Variants in PAXIP1 observed in about 807,000 individuals in gnomAD.
PAXIP1 encodes PAX interacting protein 1, also known as PAX-interacting protein 1.
A neutral mutation model predicts 140.6 loss-of-function variants in PAXIP1; 19 were observed. The observed-to-expected ratio is 0.14, with a 90% CI of 0.09 to 0.20. The LOEUF (loss-of-function observed/expected upper bound fraction) is 0.20, where lower values mean the gene tolerates loss of function less well. Ranked by LOEUF, PAXIP1 falls within the 10% of genes least tolerant of loss-of-function variation. The pLI, the probability that PAXIP1 is intolerant of heterozygous loss-of-function variation, is 1.00. For synonymous variants in PAXIP1, 442 were observed against 444.6 expected, an observed-to-expected ratio of 0.99 and a Z score of 0.07; for missense variants, 920 against 1,208.6, an observed-to-expected ratio of 0.76 and a Z score of 3.54.
intron 3 of PAXIP1, among the ~76,000 whole-genome samples, chr7:154,992,798 G>T (rs1297929628): frequency 6.6e-6 from 1 of 152,098 alleles, no homozygotes; most frequent in Admixed American, 6.5e-5. Context: ...TTCTGAGTTG[G>T]AGTTGCTAAA....
At chr7:154,966,799 T>C (rs902140508) in intron 8 of PAXIP1, among the ~76,000 whole-genome samples, 4 of 152,098 alleles carry the variant, frequency 2.6e-5, no homozygotes, top group African/African-American at 7.2e-5. Context: ...TTCACCTGCA[T>C]CTAAACTTCA....
intron 4 of PAXIP1, among the ~76,000 whole-genome samples, chr7:154,987,764 C>G (rs546500541): frequency 1.7e-4 from 26 of 152,310 alleles, no homozygotes; most frequent in African/African-American, 6.0e-4. Context: ...GGGAGGTATA[C>G]AGTGAGTGCT....
At chr7:154,992,256 A>C (rs1810366938) in intron 3 of PAXIP1, among the ~76,000 whole-genome samples, 2 of 152,138 alleles carry the variant, frequency 1.3e-5, no homozygotes, top group Admixed American at 1.3e-4. Flanking sequence ...GAGCTCAAAG[A>C]AGATCCCAGT....
intron 10 of PAXIP1, among the ~76,000 whole-genome samples, chr7:154,961,938 G>A (rs1210444367): frequency 2.6e-5 from 4 of 152,302 alleles, no homozygotes; most frequent in South Asian, 2.1e-4. Context: ...TATAAAGCAC[G>A]TAACCACGAG....
At chr7:154,955,084 A>G (rs150908788) in intron 15 of PAXIP1, among the ~76,000 whole-genome samples, 2 of 152,342 alleles carry the variant, frequency 1.3e-5, no homozygotes, top group East Asian at 3.9e-4. Flanking sequence ...TTCAAAAAGT[A>G]TATTTAAAAC....
At chr7:154,974,496 T>C (rs1312811868) in intron 6 of PAXIP1, 2 of 152,268 alleles carry the variant, frequency 1.3e-5, no homozygotes, top group East Asian at 1.9e-4. Flanking sequence ...AGCAAATTCA[T>C]GCCATTTGGG....
chr7:154,946,981 C>T lies in PAXIP1; in HGVS notation c.2923-168G>A. 1 of 523,824 alleles carries T rather than the reference C, an allele frequency of 1.9e-6. No homozygotes were observed. The highest frequency in any genetic ancestry group is 3.3e-6 in the Non-Finnish European group (1 of 298,522). 32.4% of individuals were successfully genotyped at this position (523,824 alleles called of 1,614,324 possible). ...ACTCAATCTGAAGTGGAAGAGGAAT[C>T]CAGCTATGTAAATTTGGAATGTAAG... On this transcript the variant is annotated intron_variant, in intron 17 of 20. Coordinates refer to ENST00000404141, the MANE Select transcript of PAXIP1 (RefSeq NM_007349.4). This position sits in a 1 kb window ranked among gnomAD's most constrained non-coding sequence, Gnocchi z 4.9.
At chr7:155,002,407 C>T (rs1053424058) in intron 1 of PAXIP1, among the ~76,000 whole-genome samples, 55 of 152,098 alleles carry the variant, frequency 3.6e-4, no homozygotes, top group Non-Finnish European at 6.0e-4. Context: ...GGCTGGGGTC[C>T]CCGCGCGAGC....
chr7:154,993,609 G>A, intron 3 of PAXIP1, 117 bp downstream of exon 3: 1 of 777,672 alleles, frequency 1.3e-6, no homozygotes, highest in Non-Finnish European at 2.1e-6. Context: ...ATAAGATGTA[G>A]ACAAAACAAT....
intron 5 of PAXIP1, among the ~76,000 whole-genome samples, chr7:154,982,063 C>T (rs933465726): frequency 6.6e-6 from 1 of 152,156 alleles, no homozygotes; most frequent in Admixed American, 6.5e-5. Context: ...TTCATTTCCC[C>T]TTCAAATTAA....
Position 154,976,201 on chromosome 7 carries a change from T to C in PAXIP1, c.569A>G (p.Glu190Gly). 5 of 1,612,954 alleles carry C rather than the reference T, an allele frequency of 3.1e-6. No individual in the cohort carries two copies. Among genetic ancestry groups the C allele is most frequent in the Non-Finnish European group, 4.2e-6 (5 of 1,179,204 alleles). ...CTCCTCTTCCTCTTCCTCTTCTTCCTCTTCATAAATAATCAGACGAGGATG... is the reference window on the plus strand; with the variant it reads ...CTCCTCTTCCTCTTCCTCTTCTTCCCCTTCATAAATAATCAGACGAGGATG... The part of the protein sequence containing the change: ...FYHPRLIIYE[E>G]EEEEEEEEEE... Residue 190 changes from glutamate (E) to glycine (G), a missense_variant, in exon 6 of 21, where the codon GAG (glutamate) becomes GGG (glycine). Physicochemically the swap from Glu to Gly is moderately conservative, Grantham distance 98. This residue lies in a region of PAXIP1 where 419 missense variants were observed against 514.7 expected (regional missense o/e 0.81). Coordinates refer to ENST00000404141, the MANE Select transcript of PAXIP1 (RefSeq NM_007349.4).
intron 16 of PAXIP1, chr7:154,950,071 A>G (rs551337996): frequency 4.6e-5 from 7 of 152,332 alleles, no homozygotes; most frequent in South Asian, 2.1e-4. Context: ...TGGAAGTACA[A>G]AAGAAATGAG....
chr7:154,990,869 C>A, intron 4 of PAXIP1, 137 bp downstream of exon 4: 1 of 513,376 alleles, frequency 1.9e-6, no homozygotes, highest in South Asian at 3.3e-5. Context: ...TTTTAAGTGT[C>A]ATGAGTTTAT....
chr7:154,959,893 C>A lies in PAXIP1; in HGVS notation c.2475G>T (p.Leu825Phe), dbSNP rs1462586479. The A allele has an allele frequency of 6.3e-7, 1 of 1,598,774 alleles. No homozygotes were observed. The highest frequency in any genetic ancestry group is 1.1e-5 in the South Asian group (1 of 90,740). The change falls in exon 13 of 21, where the codon TTG becomes TTT. Residue 825 changes from leucine to phenylalanine, a missense_variant. Leu to Phe is a conservative substitution (Grantham distance 22). Coordinates refer to ENST00000404141, the MANE Select transcript of PAXIP1 (RefSeq NM_007349.4). ...RVPLKVSAEL[L>F]MSIRLPPKLK... ...TAAGGTTATTAATTTGACATACCAT[C>A]AACAACTCTGCAGACACTTTTAAGG... is the stretch of plus-strand genomic sequence containing the variant.
chr7:154,997,581 T>C (rs1002837858), intron 2 of PAXIP1, among the ~76,000 whole-genome samples: 1 of 152,246 alleles, frequency 6.6e-6, no homozygotes, highest in African/African-American at 2.4e-5. Context: ...TGAAATAAAA[T>C]CGAAGCATTG....
intron 5 of PAXIP1, 87 bp downstream of exon 5, chr7:154,983,132 T>G: frequency 1.6e-6 from 1 of 644,348 alleles, no homozygotes; most frequent in East Asian, 2.9e-5. Flanking sequence ...ATATAATAAC[T>G]AATTTAAAAG....
chr7:154,961,493 T>G, intron 11 of PAXIP1, 34 bp downstream of exon 11: 1 of 1,537,526 alleles, frequency 6.5e-7, no homozygotes. Context: ...GTGTGTAAAT[T>G]TATGATTAAA....
chr7:154,976,364 A>G (rs776030315), intron 5 of PAXIP1, 33 bp from the exon 6 acceptor site: 1 of 1,523,000 alleles, frequency 6.6e-7, no homozygotes, highest in Non-Finnish European at 8.8e-7. Flanking sequence ...CACAAAACAA[A>G]GCTGTAAATT....
At chr7:154,996,752 GCAATTTATATATA>G (rs1475106656) in intron 2 of PAXIP1, among the ~76,000 whole-genome samples, 1 of 151,994 alleles carries the variant, frequency 6.6e-6, no homozygotes, top group African/African-American at 2.4e-5. Flanking sequence ...TTCAGTTTGG[GCAATTTATATATA>G]CATATTTTAA....
Sources: allele counts gnomAD v4.1 joint callset (sites outside exome capture counted in the v4.1 genomes callset), GRCh38; gene constraint gnomAD v4.1.1; regional missense constraint gnomAD v4.1.1; non-coding constraint Gnocchi (gnomAD v3.1); transcripts MANE v1.5; gene names NCBI Gene and HGNC (gene_info 2026-07-23, HGNC 2026-07-21).